The following DCTPP1 variants were observed in gnomAD, a reference collection of about 807,000 sequenced individuals.
DCTPP1 encodes the protein dCTP pyrophosphatase 1.
A neutral mutation model predicts 8.8 loss-of-function variants in DCTPP1; 8 were observed. The ratio of observed to expected loss-of-function variants is 0.91; its 90% CI spans 0.54 to 1.64. The LOEUF (loss-of-function observed/expected upper bound fraction) is 1.64, where lower values mean the gene tolerates loss of function less well. Among genes scored for constraint, DCTPP1 ranks in the 40% most tolerant of loss-of-function variants. The pLI, the probability that DCTPP1 is intolerant of heterozygous loss-of-function variation, is 0.00. For synonymous variants in DCTPP1, 85 were observed against 92.1 expected (o/e 0.92, Z 0.44); for missense variants, 231 against 230.4 (o/e 1.00, Z -0.02).
At chr16:30,426,890 A>G (rs62056265) in intron 2 of DCTPP1, among the ~76,000 whole-genome samples, 1 of 151,424 alleles carries the variant, frequency 6.6e-6, no homozygotes, top group Non-Finnish European at 1.5e-5. Context: ...TAGTAGAGAC[A>G]GGGTTTCACC....
In DCTPP1 at chr16:30,429,279, G is replaced by C. The variant is rs1463060285; in HGVS notation, c.102-112C>G. ...ATGGGGCCTGGGACCAGGAGATTCTGCAACTAATTCATTGGATGGTATTGT... is the reference window on the plus strand; with the variant it reads ...ATGGGGCCTGGGACCAGGAGATTCTCCAACTAATTCATTGGATGGTATTGT... On this transcript the variant is annotated intron_variant, in intron 1 of 2. Transcript: ENST00000319285. 3.9e-6 allele frequency: 4 copies of C among 1,014,302 alleles called. No individual in the cohort carries two copies. The African/African-American group carries it at 6.4e-5, about 16-fold the overall frequency. 62.8% of individuals were successfully genotyped at this position (1,014,302 alleles called of 1,614,324 possible).
At chr16:30,429,839 G>A (rs774163311) in intron 1 of DCTPP1, 41 bp downstream of exon 1, 5 of 1,567,452 alleles carry the variant, frequency 3.2e-6, no homozygotes, top group Admixed American at 1.8e-5. Context: ...GCGGGAGAAA[G>A]GGGCGACTTC....
At chr16:30,424,583 T>C in intron 2 of DCTPP1, 50 bp from the exon 3 acceptor site, 3 of 1,586,674 alleles carry the variant, frequency 1.9e-6, no homozygotes, top group Non-Finnish European at 2.6e-6. Flanking sequence ...CCTGGGGCAA[T>C]GGGCTCTGCC....
At position 30,424,327 on chromosome 16, in the gene DCTPP1, T is replaced by C. The variant is rs1446593643; in HGVS notation, c.419A>G (p.Lys140Arg). 1.2e-6 allele frequency: 2 copies of C among 1,614,094 alleles called. No individual in the cohort carries two copies. Among genetic ancestry groups the C allele is most frequent in the Admixed American group, 1.7e-5 (1 of 60,008 alleles). Residue 140 changes from lysine (K) to arginine (R), a missense_variant, in exon 3 of 3, where the codon AAG becomes AGG. By Grantham distance (26) the Lys-to-Arg change is conservative. Transcript: ENST00000319285. Reference protein sequence around the residue: ...PAHLARSSSRKYTELPHGAIS... With the variant: ...PAHLARSSSRRYTELPHGAIS... ...GGCCCCATGGGGCAATTCTGTATAC[T>C]TGCGGGAAGAGCTGCGGGCCAGATG...
Position 30,425,500 on chromosome 16 carries a change from A to G in DCTPP1, c.213-967T>C, listed in dbSNP as rs574993044. Among the ~76,000 whole-genome samples the G allele has an allele frequency of 5.3e-5, 8 of 151,632 alleles. No individual in the cohort carries two copies. The South Asian group carries it at 1.7e-3, about 32-fold the overall frequency. On this transcript the variant is annotated intron_variant, in intron 2 of 2. Transcript: ENST00000319285. Reference sequence around the variant, plus strand: ...AAGACTCCGTCTCAAAAAAACAACAAAACAAAACAAAATGAAACAAAAAAA... The same window carrying G: ...AAGACTCCGTCTCAAAAAAACAACAGAACAAAACAAAATGAAACAAAAAAA...
chr16:30,426,476 G>T (rs1397058558), intron 2 of DCTPP1, among the ~76,000 whole-genome samples: 5 of 138,698 alleles, frequency 3.6e-5, no homozygotes, highest in South Asian at 2.3e-4. Context: ...CACCTGGCCG[G>T]TTTTTTTTTT....
Position 30,424,485 on chromosome 16 carries a change from C to T in DCTPP1, c.261G>A (p.Arg87=), listed in dbSNP as rs746475792. ...GEPGPQGWSP[R]ERAALQEELS... ...GCTCCTCTTGAAGGGCTGCCCGTTC[C>T]CTGGGGGACCAGCCTTGGGGGCCAG... Residue 87 remains arginine (R), a synonymous_variant, in exon 3 of 3, where the codon AGG becomes AGA. Transcript: ENST00000319285. The T allele has an allele frequency of 3.7e-6, 6 of 1,614,196 alleles. No individual in the cohort carries two copies. Among genetic ancestry groups the T allele is most frequent in the Non-Finnish European group, 4.2e-6 (5 of 1,180,050 alleles).
At position 30,424,350 on chromosome 16, in the gene DCTPP1, A is replaced by G; in HGVS notation, c.396T>C (p.His132=). The change falls in exon 3 of 3, where the codon CAT becomes CAC. Residue 132 remains histidine (H), a synonymous_variant. Coordinates refer to ENST00000319285, the MANE Select transcript of DCTPP1 (RefSeq NM_024096.2). ...MDINRRRYPA[H]LARSSSRKYT... ...ACTTGCGGGAAGAGCTGCGGGCCAGATGGGCTGGGTAGCGTCGCCGGTTGA... is the reference window on the plus strand; with the variant it reads ...ACTTGCGGGAAGAGCTGCGGGCCAGGTGGGCTGGGTAGCGTCGCCGGTTGA... 1.2e-6 allele frequency: 2 copies of G among 1,614,188 alleles called. No individual in the cohort carries two copies. The highest frequency in any genetic ancestry group is 1.1e-5 in the South Asian group (1 of 91,082).
intron 2 of DCTPP1, among the ~76,000 whole-genome samples, chr16:30,428,300 A>G (rs962661520): frequency 6.6e-6 from 1 of 152,232 alleles, no homozygotes; most frequent in Non-Finnish European, 1.5e-5. Context: ...CAGAGAAAAC[A>G]GATCCCAAAT....
chr16:30,427,182 T>C (rs1487271259), intron 2 of DCTPP1, among the ~76,000 whole-genome samples: 1 of 134,962 alleles, frequency 7.4e-6, no homozygotes, highest in East Asian at 2.3e-4. Context: ...GCTAATTTTT[T>C]TGTATTTTTA....
Position 30,429,967 on chromosome 16 carries a change from C to T in DCTPP1, c.14G>A (p.Gly5Asp). MSVA[G>D]GEIRGDTGGE... ...CCCCGTGTCCCCACGAATCTCCCCA[C>T]CGGCCACAGACATGCCGCCCACCGC... Residue 5 changes from glycine to aspartate, a missense_variant, in exon 1 of 3, where the codon GGT (glycine) becomes GAT (aspartate). Physicochemically the swap from Gly to Asp is moderately conservative, Grantham distance 94. Transcript: ENST00000319285. 1 of 1,572,502 alleles carries T rather than the reference C, an allele frequency of 6.4e-7. No individual in the cohort carries two copies. Among genetic ancestry groups the T allele is most frequent in the Non-Finnish European group, 8.6e-7 (1 of 1,160,514 alleles).
intron 2 of DCTPP1, among the ~76,000 whole-genome samples, chr16:30,425,209 C>T (rs992264379): frequency 1.3e-5 from 2 of 152,030 alleles, no homozygotes; most frequent in African/African-American, 2.4e-5. Context: ...ACAAATCAGG[C>T]TTGGCGCAGT....
At chr16:30,428,649 A>C (rs1230678983) in intron 2 of DCTPP1, among the ~76,000 whole-genome samples, 1 of 152,152 alleles carries the variant, frequency 6.6e-6, no homozygotes, top group Non-Finnish European at 1.5e-5. Flanking sequence ...GGGCACCTGT[A>C]GTCCCAGCTA....
intron 2 of DCTPP1, among the ~76,000 whole-genome samples, chr16:30,425,769 A>G (rs2050189197): frequency 6.6e-6 from 1 of 152,232 alleles, no homozygotes; most frequent in African/African-American, 2.4e-5. Flanking sequence ...GTGACCCGCC[A>G]TGACGCCATC....
At position 30,423,981 on chromosome 16, in the gene DCTPP1, C is replaced by T. The variant is rs2050177885; in HGVS notation, c.*252G>A. On this transcript the variant is annotated 3_prime_UTR_variant, in exon 3 of 3. Coordinates refer to ENST00000319285, the MANE Select transcript of DCTPP1 (RefSeq NM_024096.2). ...GTCTCAGAGGCACCCCTGGTACCCC[C>T]GTCATCACCTGCTGAGACAGAGAGC... 3.9e-6 allele frequency: 2 copies of T among 506,998 alleles called. No homozygotes were observed. Among genetic ancestry groups the T allele is most frequent in the East Asian group, 3.4e-5 (1 of 28,992 alleles). The allele number at this position is 506,998 out of a possible 1,614,324, so 31.4% of individuals were successfully genotyped here.
At chr16:30,428,452 C>T (rs1013260790) in intron 2 of DCTPP1, among the ~76,000 whole-genome samples, 22 of 152,198 alleles carry the variant, frequency 1.4e-4, no homozygotes, top group African/African-American at 5.3e-4. Context: ...AGAATACCTT[C>T]CTTTCAGCCC....
chr16:30,428,228 C>A (rs1695154863), intron 2 of DCTPP1, among the ~76,000 whole-genome samples: 2 of 152,224 alleles, frequency 1.3e-5, no homozygotes, highest in Admixed American at 6.5e-5. Context: ...CTCCACAGCC[C>A]TATCACTCAT....
chr16:30,424,605 T>C, intron 2 of DCTPP1, 72 bp from the exon 3 acceptor site: 4 of 1,549,136 alleles, frequency 2.6e-6, no homozygotes, highest in Non-Finnish European at 3.5e-6. Context: ...GTCCTTGCAG[T>C]AATAACACCC....
At chr16:30,427,059 G>C (rs939514828) in intron 2 of DCTPP1, among the ~76,000 whole-genome samples, 3 of 149,888 alleles carry the variant, frequency 2.0e-5, no homozygotes, top group African/African-American at 7.4e-5. Flanking sequence ...GCCCAGGCTA[G>C]AGTGCAGTGG....
Sources: gnomAD v4.1 joint callset for allele counts (sites outside exome capture counted in the v4.1 genomes callset) on GRCh38, gnomAD v4.1.1 for gene constraint, MANE v1.5 for transcripts, NCBI Gene and HGNC (gene_info 2026-07-23, HGNC 2026-07-21) for gene names.